Variants in CAPN9 observed in about 807,000 individuals in gnomAD.
The protein encoded by CAPN9 is calpain 9, also known as calpain-9.
In CAPN9, 81 loss-of-function variants were observed where a neutral mutation model predicts 92.8. That is an observed-to-expected ratio of 0.87 (90% confidence interval 0.73 to 1.05). The LOEUF (loss-of-function observed/expected upper bound fraction) is 1.05, where lower values mean the gene tolerates loss of function less well. Ranked by LOEUF, CAPN9 falls within the 50% of genes least tolerant of loss-of-function variation. The probability of loss-of-function intolerance (pLI) is 0.00; values close to 1 mark genes in which losing one functional copy is unlikely to be tolerated. For missense variants in CAPN9, 848 were observed against 866.2 expected (o/e 0.98, Z 0.26); for synonymous variants, 304 against 328.0 (o/e 0.93, Z 0.79).
At chr1:230,751,208 G>T (rs1260260946) in intron 1 of CAPN9, among the ~76,000 whole-genome samples, 2 of 152,180 alleles carry the variant, frequency 1.3e-5, no homozygotes, top group Non-Finnish European at 2.9e-5. Flanking sequence ...TGAGCTTGCC[G>T]TTCCCTGTGC....
Position 230,759,558 on chromosome 1 carries a change from A to G in CAPN9, c.330A>G (p.Gln110=), listed in dbSNP as rs781541700. The part of the protein sequence containing the change: ...LAAIASLTLN[Q]KALARVIPQD... ...CCATCGCCTCCCTTACGCTTAATCA[A>G]AAAGCACTGGCCAGAGTCATCCCCC... Residue 110 remains glutamine, a synonymous_variant, in exon 3 of 20, where the codon CAA becomes CAG. Coordinates refer to ENST00000271971, the MANE Select transcript of CAPN9 (RefSeq NM_006615.3). 6.2e-7 allele frequency: 1 copy of G among 1,611,958 alleles called. No individual in the cohort carries two copies. The highest frequency in any genetic ancestry group is 1.3e-5 in the African/African-American group (1 of 74,942).
At chr1:230,759,655 G>T (rs1665503594) in intron 3 of CAPN9, 25 bp downstream of exon 3, 7 of 1,499,798 alleles carry the variant, frequency 4.7e-6, no homozygotes, top group Non-Finnish European at 5.5e-6. Flanking sequence ...TGGGCCAGTG[G>T]GTTTACCTCT....
intron 13 of CAPN9, among the ~76,000 whole-genome samples, chr1:230,788,065 C>A (rs1206546529): frequency 6.6e-6 from 1 of 152,136 alleles, no homozygotes; most frequent in African/African-American, 2.4e-5. Context: ...GTTGCCCAGG[C>A]TGGTCTCAAA....
At chr1:230,773,425 G>C (rs1433128345) in intron 7 of CAPN9, among the ~76,000 whole-genome samples, 1 of 152,140 alleles carries the variant, frequency 6.6e-6, no homozygotes, top group African/African-American at 2.4e-5. Context: ...CTTTGAGATC[G>C]TAGCCTATAA....
chr1:230,782,964 C>A (rs993454454), intron 11 of CAPN9, among the ~76,000 whole-genome samples: 9 of 152,114 alleles, frequency 5.9e-5, no homozygotes, highest in African/African-American at 2.2e-4. Flanking sequence ...TTGCAGTGAG[C>A]CGAGATCATG....
intron 11 of CAPN9, among the ~76,000 whole-genome samples, chr1:230,784,405 C>T (rs919228286): frequency 2.0e-5 from 3 of 152,236 alleles, no homozygotes; most frequent in Admixed American, 1.3e-4. Flanking sequence ...CCTCCCATCA[C>T]AGGCCGAGAG....
chr1:230,762,616 T>C (rs1385905456), intron 3 of CAPN9, 37 bp from the exon 4 acceptor site: 2 of 1,609,302 alleles, frequency 1.2e-6, no homozygotes, highest in Admixed American at 1.7e-5. Flanking sequence ...CCCATGTAGC[T>C]GACTCGCATC....
chr1:230,751,644 AAAGAAAGAAAGAAAGAAAGAAAG>A (rs1664828056), intron 1 of CAPN9, among the ~76,000 whole-genome samples: 1 of 94,688 alleles, frequency 1.1e-5, no homozygotes, highest in South Asian at 3.1e-4. Context: ...AGAAAGAAAG[AAAGAAAGAAAGAAAGAAAGAAAG>A]AAAGAAAGAA....
At chr1:230,798,500 A>G (rs1668488251) in intron 19 of CAPN9, among the ~76,000 whole-genome samples, 1 of 152,220 alleles carries the variant, frequency 6.6e-6, no homozygotes, top group South Asian at 2.1e-4. Context: ...GTGAGTGAGC[A>G]GACTCTGCCT....
At chr1:230,749,580 C>T (rs1054144190) in intron 1 of CAPN9, among the ~76,000 whole-genome samples, 2 of 152,216 alleles carry the variant, frequency 1.3e-5, no homozygotes, top group African/African-American at 4.8e-5. Context: ...TCCTGGGCCC[C>T]TGGTGAGCAG....
intron 2 of CAPN9, among the ~76,000 whole-genome samples, chr1:230,758,208 TGGA>T (rs886338241): frequency 6.6e-6 from 1 of 152,132 alleles, no homozygotes; most frequent in African/African-American, 2.4e-5. Flanking sequence ...AGTTGAAACT[TGGA>T]GGAGAGCTGG....
At chr1:230,773,897 A>G (rs1038851832) in intron 7 of CAPN9, among the ~76,000 whole-genome samples, 3 of 152,170 alleles carry the variant, frequency 2.0e-5, no homozygotes, top group Non-Finnish European at 4.4e-5. Context: ...TGTGGGAGTC[A>G]CAGAAAATGC....
At chr1:230,796,266 A>C (rs1345045037) in intron 18 of CAPN9, among the ~76,000 whole-genome samples, 7 of 151,788 alleles carry the variant, frequency 4.6e-5, no homozygotes, top group Non-Finnish European at 1.0e-4. Context: ...TGGAGGTTGC[A>C]GTGAGCTGAG....
chr1:230,770,241 G>A (rs1666302763), intron 6 of CAPN9, among the ~76,000 whole-genome samples: 1 of 152,194 alleles, frequency 6.6e-6, no homozygotes, highest in Admixed American at 6.5e-5. Flanking sequence ...CTAGCCACCA[G>A]GAACACCAAT....
At chr1:230,773,903 A>G in intron 7 of CAPN9, among the ~76,000 whole-genome samples, 1 of 152,096 alleles carries the variant, frequency 6.6e-6, no homozygotes, top group Admixed American at 6.5e-5. Flanking sequence ...AGTCACAGAA[A>G]ATGCAATGAA....
intron 11 of CAPN9, among the ~76,000 whole-genome samples, chr1:230,785,088 C>T (rs148686044): frequency 6.6e-6 from 1 of 152,342 alleles, no homozygotes; most frequent in Non-Finnish European, 1.5e-5. Context: ...GGCCTGTAGC[C>T]CCTTTCTTTT....
rs1572090951 is a variant in CAPN9, at chr1:230,792,759, G to A, written c.1792-91G>A. 1.3e-5 allele frequency: 14 copies of A among 1,086,800 alleles called. No homozygotes were observed. The East Asian group carries it at 3.1e-4, about 24-fold the overall frequency. 67.3% of individuals were successfully genotyped at this position (1,086,800 alleles called of 1,614,324 possible). On this transcript the variant is annotated intron_variant, in intron 16 of 19. Transcript: ENST00000271971. Reference sequence around the variant, plus strand: ...TGGCCTCTGCGGCCCCTAGAGGGTAGCTCCCCCGGGCTGGCTGTCACCCAT... The same window carrying A: ...TGGCCTCTGCGGCCCCTAGAGGGTAACTCCCCCGGGCTGGCTGTCACCCAT...
At chr1:230,757,250 G>T (rs1313187641) in intron 2 of CAPN9, among the ~76,000 whole-genome samples, 1 of 152,004 alleles carries the variant, frequency 6.6e-6, no homozygotes, top group Admixed American at 6.6e-5. Flanking sequence ...TTTTCAAAAG[G>T]TTTACATTCA....
At chr1:230,770,099 T>C (rs1052695843) in intron 6 of CAPN9, among the ~76,000 whole-genome samples, 2 of 152,160 alleles carry the variant, frequency 1.3e-5, no homozygotes, top group African/African-American at 4.8e-5. Context: ...CAGGATCACC[T>C]GTAATACGAT....
Sources: allele counts gnomAD v4.1 joint callset (sites outside exome capture counted in the v4.1 genomes callset), GRCh38; gene constraint gnomAD v4.1.1; transcripts MANE v1.5; gene names NCBI Gene and HGNC (gene_info 2026-07-23, HGNC 2026-07-21).